Variants in RPTOR observed in about 807,000 individuals in gnomAD.
RPTOR encodes regulatory associated protein of MTOR complex 1, also known as regulatory-associated protein of mTOR.
RPTOR carries 21 observed loss-of-function variants against 169.9 expected under a neutral mutation model. The observed-to-expected ratio is 0.12, with a 90% CI of 0.09 to 0.18. The LOEUF (loss-of-function observed/expected upper bound fraction) is 0.18, where lower values mean the gene tolerates loss of function less well. Among genes scored for constraint, RPTOR ranks in the 10% least tolerant of loss-of-function variants. RPTOR has a pLI of 1.00. For missense variants in RPTOR, 1,133 were observed against 1,855.9 expected (o/e 0.61, Z 7.16); for synonymous variants, 732 against 753.2 (o/e 0.97, Z 0.46).
chr17:80,741,523 CGAGCCAGGAGGACCAT>C (rs2066481700), intron 5 of RPTOR, among the ~76,000 whole-genome samples: 1 of 152,130 alleles, frequency 6.6e-6, no homozygotes, highest in South Asian at 2.1e-4. Context: ...AGCTGTCTCC[CGAGCCAGGAGGACCAT>C]GAGGCTGGAG....
At chr17:80,894,378 G>C (rs1011316325) in intron 20 of RPTOR, among the ~76,000 whole-genome samples, 1 of 152,146 alleles carries the variant, frequency 6.6e-6, no homozygotes, top group African/African-American at 2.4e-5. Flanking sequence ...TCGGGCTGGG[G>C]GCTGTCATCC....
chr17:80,794,836 C>G, intron 7 of RPTOR, among the ~76,000 whole-genome samples: 1 of 152,210 alleles, frequency 6.6e-6, no homozygotes, highest in East Asian at 1.9e-4. Flanking sequence ...GATTCCCTTT[C>G]TGTGACCTTC....
intron 22 of RPTOR, 26 bp downstream of exon 22, chr17:80,922,853 G>A: frequency 1.3e-6 from 2 of 1,532,184 alleles, no homozygotes; most frequent in Non-Finnish European, 8.8e-7. Flanking sequence ...TCAGCCTGCA[G>A]GTCCGTGGTG....
At chr17:80,840,687 C>G (rs1340542579) in intron 10 of RPTOR, among the ~76,000 whole-genome samples, 2 of 123,524 alleles carry the variant, frequency 1.6e-5, no homozygotes, top group Non-Finnish European at 3.5e-5. Context: ...CACACGGCAG[C>G]TCACTCTCAC....
chr17:80,639,003 G>C (rs776022539), intron 2 of RPTOR, among the ~76,000 whole-genome samples: 1 of 152,186 alleles, frequency 6.6e-6, no homozygotes, highest in Admixed American at 6.5e-5. Context: ...GATGCCTGCA[G>C]CTGTGTGGCT....
intron 7 of RPTOR, among the ~76,000 whole-genome samples, chr17:80,811,924 G>A (rs910574793): frequency 2.0e-5 from 3 of 147,088 alleles, no homozygotes; most frequent in South Asian, 2.2e-4. Context: ...ACAGGACACA[G>A]CCACGCCCTC....
intron 6 of RPTOR, among the ~76,000 whole-genome samples, chr17:80,764,741 A>T (rs1294982023): frequency 1.3e-5 from 2 of 152,106 alleles, no homozygotes; most frequent in Non-Finnish European, 2.9e-5. Context: ...CGCCACACTG[A>T]CTTCCACAAT....
At chr17:80,769,927 G>GCTGGC (rs111912114) in intron 6 of RPTOR, among the ~76,000 whole-genome samples, 41,234 of 151,706 alleles carry the variant, frequency 0.27, 5,719 homozygotes, top group African/African-American at 0.33. Flanking sequence ...CAGCTGCAGG[G>GCTGGC]CTGGCCTGGC....
intron 3 of RPTOR, among the ~76,000 whole-genome samples, chr17:80,658,002 C>T (rs971343381): frequency 2.0e-5 from 3 of 152,132 alleles, no homozygotes; most frequent in African/African-American, 7.2e-5. Flanking sequence ...TAAATTACTA[C>T]ATACCCTTAC....
At chr17:80,769,884 G>T (rs541863588) in intron 6 of RPTOR, among the ~76,000 whole-genome samples, 1 of 152,208 alleles carries the variant, frequency 6.6e-6, no homozygotes, top group East Asian at 1.9e-4. Context: ...AATTTCTTCT[G>T]TTGGCAGTGC....
At chr17:80,634,745 C>CGT (rs2065488978) in intron 2 of RPTOR, among the ~76,000 whole-genome samples, 1 of 82,598 alleles carries the variant, frequency 1.2e-5, no homozygotes, top group Non-Finnish European at 2.4e-5. Flanking sequence ...TGTGTGTGTG[C>CGT]ATACTGTGTG....
intron 21 of RPTOR, among the ~76,000 whole-genome samples, chr17:80,914,653 G>A (rs1483991550): frequency 3.9e-5 from 6 of 152,124 alleles, no homozygotes; most frequent in East Asian, 1.9e-4. Flanking sequence ...GCACACGCTC[G>A]GGGCAGTGCT....
At chr17:80,896,449 G>GC (rs2068403760) in intron 20 of RPTOR, among the ~76,000 whole-genome samples, 1 of 106,848 alleles carries the variant, frequency 9.4e-6, no homozygotes, top group Non-Finnish European at 1.9e-5. Context: ...CGGCCATGCC[G>GC]ACACCCCACA....
At chr17:80,883,608 A>C (rs1598376540) in intron 15 of RPTOR, 124 bp downstream of exon 15, 2 of 1,210,458 alleles carry the variant, frequency 1.7e-6, no homozygotes, top group Non-Finnish European at 2.4e-6. Context: ...CTGACCCTTC[A>C]TCTAGCCAGC....
In RPTOR at chr17:80,860,913, G is replaced by A. The variant is rs919571879; in HGVS notation, c.1509+3013G>A. ...TCCTGATTTCCTGAGCTGGATGCGG[G>A]GAGCTGCTGCTCTTCCTCTCAGCAC... On this transcript the variant is annotated intron_variant, in intron 13 of 33. Coordinates refer to ENST00000306801, the MANE Select transcript of RPTOR (RefSeq NM_020761.3). This position sits in a 1 kb window ranked among gnomAD's most constrained non-coding sequence, Gnocchi z 5.8. Among the ~76,000 whole-genome samples, 1 of 105,946 alleles carries A rather than the reference G, an allele frequency of 9.4e-6. No homozygotes were observed. Among genetic ancestry groups the A allele is most frequent in the Non-Finnish European group, 2.4e-5 (1 of 41,010 alleles). The allele number at this position is 105,946 out of a possible 152,430, so 69.5% of individuals were successfully genotyped here.
chr17:80,560,259 A>T (rs116258508), intron 1 of RPTOR, among the ~76,000 whole-genome samples: 2 of 152,170 alleles, frequency 1.3e-5, no homozygotes, highest in African/African-American at 4.8e-5. Context: ...TGGTGGCTGG[A>T]CGAAGATCTG....
At position 80,820,567 on chromosome 17, in the gene RPTOR, G is replaced by A. The variant is rs143154262; in HGVS notation, c.891-1634G>A. 5.5e-4 allele frequency among the ~76,000 whole-genome samples: 83 copies of A among 152,136 alleles called. No individual in the cohort carries two copies. The highest frequency in any genetic ancestry group is 1.9e-3 in the East Asian group (10 of 5,136). Reference sequence around the variant, plus strand: ...GTGTGCCCCACCCTCACATTCCTCCGTGGGGCCAAGCTCTGTCGTAGGTTG... The same window carrying A: ...GTGTGCCCCACCCTCACATTCCTCCATGGGGCCAAGCTCTGTCGTAGGTTG... On this transcript the variant is annotated intron_variant, in intron 7 of 33. Coordinates refer to ENST00000306801, the MANE Select transcript of RPTOR (RefSeq NM_020761.3). This position sits in a 1 kb window ranked among gnomAD's most constrained non-coding sequence, Gnocchi z 4.1.
At chr17:80,727,467 C>T (rs184697027) in intron 4 of RPTOR, among the ~76,000 whole-genome samples, 6 of 151,042 alleles carry the variant, frequency 4.0e-5, no homozygotes, top group African/African-American at 1.5e-4. Context: ...CGTCACGCCC[C>T]GAGAACGTGG....
rs1387454363 is a variant in RPTOR at position 80,609,491 on chromosome 17, A to T, written c.163-16200A>T. ...CTGGGCAGGGTGGCTCACACCTGTA[A>T]TCCCAGCATTTTGGGAGGCTGAGGT... On this transcript the variant is annotated intron_variant, in intron 1 of 33. Transcript: ENST00000306801. This position sits in a 1 kb window ranked among gnomAD's most constrained non-coding sequence, Gnocchi z 4.8. Among the ~76,000 whole-genome samples, 1 of 152,202 alleles carries T rather than the reference A, an allele frequency of 6.6e-6. No homozygotes were observed. The highest frequency in any genetic ancestry group is 2.4e-5 in the African/African-American group (1 of 41,450).
Sources: allele counts gnomAD v4.1 joint callset (sites outside exome capture counted in the v4.1 genomes callset), GRCh38; gene constraint gnomAD v4.1.1; non-coding constraint Gnocchi (gnomAD v3.1); transcripts MANE v1.5; gene names NCBI Gene and HGNC (gene_info 2026-07-23, HGNC 2026-07-21).